Variants in STAU2 observed in about 807,000 individuals in gnomAD.
The protein encoded by STAU2 is double-stranded RNA-binding protein Staufen homolog 2.
A neutral mutation model predicts 65.9 loss-of-function variants in STAU2; 20 were observed. The observed-to-expected ratio is 0.30, with a 90% CI of 0.21 to 0.44. The LOEUF (loss-of-function observed/expected upper bound fraction) is 0.44, where lower values mean the gene tolerates loss of function less well. STAU2 is among the 20% of genes least tolerant of loss of function. The pLI is 1.00. For synonymous variants in STAU2, 232 were observed against 233.9 expected (o/e 0.99, Z 0.07); for missense variants, 558 against 683.9 (o/e 0.82, Z 2.05).
At chr8:73,688,864 T>C in intron 4 of STAU2, 51 bp from the exon 5 acceptor site, 2 of 1,583,162 alleles carry the variant, frequency 1.3e-6, no homozygotes, top group Non-Finnish European at 1.7e-6. Context: ...TTCCAAGAAA[T>C]AAAATTGGCT....
chr8:73,582,419 T>TTTATTTTTATTATAAAAA (rs1168472655), intron 12 of STAU2, among the ~76,000 whole-genome samples: 16 of 150,256 alleles, frequency 1.1e-4, no homozygotes. Context: ...TAATTACTTC[T>TTTATTTTTATTATAAAAA]TTATTTTTAT....
At position 73,421,184 on chromosome 8, in the gene STAU2, C is replaced by T; in HGVS notation, c.*188G>A. The T allele has an allele frequency of 1.8e-6, 1 of 546,976 alleles. No individual in the cohort carries two copies. The highest frequency in any genetic ancestry group is 2.9e-5 in the South Asian group (1 of 34,868). 33.9% of individuals were successfully genotyped at this position (546,976 alleles called of 1,614,324 possible). A position where few individuals can be genotyped will look rare whatever the true frequency, so the allele number is the denominator to read the frequency against. On this transcript the variant is annotated 3_prime_UTR_variant, in exon 15 of 15. Coordinates refer to ENST00000524300, the MANE Select transcript of STAU2 (RefSeq NM_001164380.2). Reference sequence around the variant, plus strand: ...CTGATCTCGAGTTCCAAGGGAAATGCTCAAAGTTTTATTTTTCCCCAGTTG... The same window carrying T: ...CTGATCTCGAGTTCCAAGGGAAATGTTCAAAGTTTTATTTTTCCCCAGTTG...
intron 6 of STAU2, among the ~76,000 whole-genome samples, chr8:73,646,630 C>T (rs1022757158): frequency 3.9e-5 from 6 of 151,984 alleles, no homozygotes; most frequent in African/African-American, 1.5e-4. Context: ...TAAAAGAAAA[C>T]CTAGGAGAAC....
chr8:73,437,262 G>C (rs1817772701), intron 13 of STAU2, among the ~76,000 whole-genome samples: 1 of 152,156 alleles, frequency 6.6e-6, no homozygotes, highest in African/African-American at 2.4e-5. Context: ...CTGGAGATGG[G>C]ACAAGTAGCC....
At chr8:73,667,965 T>C (rs1456553884) in intron 6 of STAU2, among the ~76,000 whole-genome samples, 1 of 152,182 alleles carries the variant, frequency 6.6e-6, no homozygotes. Flanking sequence ...AACCGCTCCA[T>C]AAAATAATTG....
At chr8:73,747,409 C>T (rs1361451499), upstream of STAU2, 6 of 1,535,308 alleles carry the variant, frequency 3.9e-6, no homozygotes, top group Admixed American at 5.9e-5. Flanking sequence ...CTCCGGCTGC[C>T]CCTCTGTGCT....
chr8:73,637,335 T>C (rs985680107), intron 6 of STAU2, among the ~76,000 whole-genome samples: 1 of 151,358 alleles, frequency 6.6e-6, no homozygotes, highest in Non-Finnish European at 1.5e-5. Context: ...AGATATGTTA[T>C]AGTTTAACTG....
chr8:73,458,350 C>T (rs1819177220), intron 13 of STAU2, among the ~76,000 whole-genome samples: 1 of 152,192 alleles, frequency 6.6e-6, no homozygotes, highest in Non-Finnish European at 1.5e-5. Flanking sequence ...GAATCGTACT[C>T]TTATTCCTTC....
chr8:73,614,751 TA>T (rs35152675), intron 8 of STAU2, among the ~76,000 whole-genome samples: 4 of 151,906 alleles, frequency 2.6e-5, no homozygotes, highest in Non-Finnish European at 5.9e-5. Context: ...TTGTAGCCTT[TA>T]AAAAAAATCC....
At chr8:73,488,074 G>C (rs1370029890) in intron 13 of STAU2, among the ~76,000 whole-genome samples, 5 of 151,926 alleles carry the variant, frequency 3.3e-5, no homozygotes, top group Non-Finnish European at 7.4e-5. Context: ...ATAAATGTTA[G>C]GGAATATATG....
At chr8:73,474,001 C>G (rs1820181840) in intron 13 of STAU2, among the ~76,000 whole-genome samples, 1 of 152,208 alleles carries the variant, frequency 6.6e-6, no homozygotes, top group Non-Finnish European at 1.5e-5. Context: ...TTCATACACT[C>G]TGTGATCCAC....
chr8:73,666,996 T>TA (rs1174283268), intron 6 of STAU2, among the ~76,000 whole-genome samples: 1 of 152,218 alleles, frequency 6.6e-6, no homozygotes, highest in East Asian at 1.9e-4. Context: ...GTAGGCAATT[T>TA]AAATGCAACA....
intron 13 of STAU2, among the ~76,000 whole-genome samples, chr8:73,517,464 CA>C (rs1822803880): frequency 6.6e-6 from 1 of 151,974 alleles, no homozygotes; most frequent in South Asian, 2.1e-4. Context: ...TACTGATAAG[CA>C]GCATATGTGC....
intron 13 of STAU2, among the ~76,000 whole-genome samples, chr8:73,445,609 A>G (rs1818425314): frequency 6.6e-6 from 1 of 152,224 alleles, no homozygotes; most frequent in Non-Finnish European, 1.5e-5. Flanking sequence ...CAGACCACAT[A>G]TCTGACAGAG....
intron 5 of STAU2, among the ~76,000 whole-genome samples, chr8:73,687,371 T>TTATATTTATAATTTATATAATATAAA (rs1240236643): frequency 3.3e-5 from 4 of 121,652 alleles, no homozygotes; most frequent in Non-Finnish European, 4.9e-5. Context: ...TAAATATAAT[T>TTATATTTATAATTTATATAATATAAA]TATAATTTAT....
chr8:73,501,074 A>G (rs185426816), intron 13 of STAU2, among the ~76,000 whole-genome samples: 1 of 151,922 alleles, frequency 6.6e-6, no homozygotes, highest in Non-Finnish European at 1.5e-5. Flanking sequence ...TGTACAATAG[A>G]TGTCTTCTGC....
intron 1 of STAU2, among the ~76,000 whole-genome samples, chr8:73,744,962 C>G (rs1807170922): frequency 1.3e-5 from 2 of 152,164 alleles, no homozygotes; most frequent in South Asian, 4.1e-4. Flanking sequence ...ACAATACATA[C>G]TTGGATTACA....
At chr8:73,730,822 T>C (rs967533521) in intron 3 of STAU2, among the ~76,000 whole-genome samples, 4 of 152,054 alleles carry the variant, frequency 2.6e-5, no homozygotes, top group African/African-American at 7.2e-5. Context: ...AGTTGATTAA[T>C]ACTGTTGTTG....
At chr8:73,423,888 A>G (rs1238884354) in intron 13 of STAU2, among the ~76,000 whole-genome samples, 1 of 152,202 alleles carries the variant, frequency 6.6e-6, no homozygotes, top group Non-Finnish European at 1.5e-5. Context: ...ATGAACAAAT[A>G]TTGATAGCTT....
Sources: allele counts gnomAD v4.1 joint callset (sites outside exome capture counted in the v4.1 genomes callset), GRCh38; gene constraint gnomAD v4.1.1; transcripts MANE v1.5; gene names NCBI Gene and HGNC (gene_info 2026-07-23, HGNC 2026-07-21).